Variants in UNC5C observed in about 807,000 individuals in gnomAD.
UNC5C encodes netrin receptor UNC5C.
UNC5C carries 47 observed loss-of-function variants against 99.8 expected under a neutral mutation model. That is an observed-to-expected ratio of 0.47 (90% CI 0.37 to 0.60). The LOEUF is 0.60. Among genes scored for constraint, UNC5C ranks in the 20% least tolerant of loss-of-function variants. The pLI is 0.00. For synonymous variants in UNC5C, 487 were observed against 452.2 expected (o/e 1.08, Z -0.98); for missense variants, 1,062 against 1,165.9 (o/e 0.91, Z 1.30).
chr4:95,498,666 G>T (rs768989322), intron 1 of UNC5C, among the ~76,000 whole-genome samples: 1 of 149,364 alleles, frequency 6.7e-6, no homozygotes, highest in Admixed American at 6.7e-5. Context: ...CTGTTTTATC[G>T]TTTTATTCCT....
chr4:95,369,307 T>C (rs1321581885), intron 1 of UNC5C, among the ~76,000 whole-genome samples: 1 of 151,958 alleles, frequency 6.6e-6, no homozygotes, highest in Non-Finnish European at 1.5e-5. Context: ...TGCCAGCCCT[T>C]TGGGAGGCTG....
At chr4:95,327,638 G>A (rs996035104) in intron 2 of UNC5C, among the ~76,000 whole-genome samples, 14 of 152,016 alleles carry the variant, frequency 9.2e-5, no homozygotes, top group African/African-American at 3.1e-4. Context: ...CAACCTCATT[G>A]TTTTAAAATG....
chr4:95,336,491 T>C (rs1579336182), intron 1 of UNC5C, among the ~76,000 whole-genome samples: 1 of 151,932 alleles, frequency 6.6e-6, no homozygotes, highest in East Asian at 1.9e-4. Flanking sequence ...GTATATTCAG[T>C]AGTAAATATA....
intron 1 of UNC5C, among the ~76,000 whole-genome samples, chr4:95,491,095 C>T (rs932422420): frequency 1.3e-5 from 2 of 151,372 alleles, no homozygotes; most frequent in African/African-American, 2.4e-5. Flanking sequence ...CACAAAATTG[C>T]CCCCTTCTAA....
chr4:95,424,874 AG>A (rs1363650227), intron 1 of UNC5C, among the ~76,000 whole-genome samples: 2 of 151,938 alleles, frequency 1.3e-5, no homozygotes, highest in Non-Finnish European at 2.9e-5. Flanking sequence ...TAGAAACAGG[AG>A]GTGCTCCTAA....
intron 10 of UNC5C, among the ~76,000 whole-genome samples, chr4:95,215,329 C>T (rs1207229795): frequency 6.6e-6 from 1 of 152,226 alleles, no homozygotes; most frequent in Non-Finnish European, 1.5e-5. Context: ...ATTTTAACAA[C>T]ATCTTTCATT....
chr4:95,532,716 G>T (rs1294202993), intron 1 of UNC5C, among the ~76,000 whole-genome samples: 2 of 152,112 alleles, frequency 1.3e-5, no homozygotes, highest in Non-Finnish European at 2.9e-5. Flanking sequence ...AGTGAGCAAG[G>T]TGGCTTGTGA....
At chr4:95,541,659 T>A (rs1219079740) in intron 1 of UNC5C, among the ~76,000 whole-genome samples, 2 of 151,994 alleles carry the variant, frequency 1.3e-5, no homozygotes, top group Non-Finnish European at 2.9e-5. Context: ...ATACTCTAAG[T>A]TTTTTTAATT....
intron 7 of UNC5C, 134 bp from the exon 8 acceptor site, chr4:95,220,310 A>G (rs1738425049): frequency 3.3e-6 from 3 of 918,032 alleles, no homozygotes; most frequent in African/African-American, 1.7e-5. Flanking sequence ...CAAAAGCTAT[A>G]TAAAATGGCT....
rs562458779 is a variant in UNC5C, at chr4:95,495,895, G to C, written c.124+52839C>G. On this transcript the variant is annotated intron_variant, in intron 1 of 15. Coordinates refer to ENST00000453304, the MANE Select transcript of UNC5C (RefSeq NM_003728.4). ...GTTCAAATGAGTAACAAAGTACCCA[G>C]ATTTTAAGCAATATTCAATTCATAT... is the stretch of plus-strand genomic sequence containing the variant. Among the ~76,000 whole-genome samples, 8 of 151,848 alleles carry C rather than the reference G, an allele frequency of 5.3e-5. No homozygotes were observed. In the East Asian group the frequency reaches 1.6e-3, roughly 29 times the overall value.
intron 1 of UNC5C, among the ~76,000 whole-genome samples, chr4:95,340,697 C>A (rs1027411742): frequency 1.3e-5 from 2 of 152,038 alleles, no homozygotes; most frequent in African/African-American, 2.4e-5. Context: ...CTTGCCAAAT[C>A]ATGCCCATAC....
intron 1 of UNC5C, among the ~76,000 whole-genome samples, chr4:95,344,371 A>T (rs1743691798): frequency 6.6e-6 from 1 of 152,138 alleles, no homozygotes; most frequent in East Asian, 1.9e-4. Context: ...CATAAAGGAG[A>T]AATAAAGACT....
chr4:95,439,284 G>A (rs546476978), intron 1 of UNC5C, among the ~76,000 whole-genome samples: 477 of 152,140 alleles, frequency 3.1e-3, no homozygotes, highest in African/African-American at 0.011. Context: ...CACGGCTGGC[G>A]TGGATGATGT....
At position 95,291,217 on chromosome 4, in the gene UNC5C, GA is replaced by G. The variant is rs567951484; in HGVS notation, c.490+10388del. On this transcript the variant is annotated intron_variant, in intron 3 of 15. Coordinates refer to ENST00000453304, the MANE Select transcript of UNC5C (RefSeq NM_003728.4). ...TATTCAAAATGCATCTTTAGTTTCA[GA>G]AAAAAAATGATTATATGTCATCACA... is the stretch of plus-strand genomic sequence containing the variant. 1.6e-4 allele frequency among the ~76,000 whole-genome samples: 24 copies of G among 151,734 alleles called. No individual in the cohort carries two copies. The South Asian group carries it at 4.2e-3, about 26-fold the overall frequency.
At chr4:95,240,639 C>CA (rs1213500480) in intron 7 of UNC5C, among the ~76,000 whole-genome samples, 1 of 152,070 alleles carries the variant, frequency 6.6e-6, no homozygotes, top group African/African-American at 2.4e-5. Flanking sequence ...AACACAAACA[C>CA]AAACAAACAA....
chr4:95,193,734 T>G (rs1308999461), intron 12 of UNC5C, among the ~76,000 whole-genome samples: 2 of 152,090 alleles, frequency 1.3e-5, no homozygotes, highest in Non-Finnish European at 2.9e-5. Flanking sequence ...CGGCCGCCCT[T>G]CTCTCCTGTT....
intron 1 of UNC5C, among the ~76,000 whole-genome samples, chr4:95,478,603 A>G (rs944497116): frequency 1.3e-5 from 2 of 151,958 alleles, no homozygotes; most frequent in African/African-American, 2.4e-5. Flanking sequence ...ATGTATCCCC[A>G]CAAGCAATTC....
chr4:95,308,751 C>CAAAAAA lies in UNC5C; in HGVS notation c.347-7008_347-7003dup, dbSNP rs59626139. Among the ~76,000 whole-genome samples the CAAAAAA allele has an allele frequency of 8.6e-3, 297 of 34,422 alleles. 3 individuals are homozygous for CAAAAAA. The highest frequency in any genetic ancestry group is 0.011 in the Non-Finnish European group (213 of 20,142). 22.6% of individuals were successfully genotyped at this position (34,422 alleles called of 152,430 possible). A position where few individuals can be genotyped will look rare whatever the true frequency, so the allele number is the denominator to read the frequency against. The stretch of plus-strand genomic sequence containing the variant: ...TGGCTGACAGAGTGAGACTCTGTCT[C>CAAAAAA]AAAAAAAAAAAAAAAAAAAAAAAAA... On this transcript the variant is annotated intron_variant, in intron 2 of 15. Transcript: ENST00000453304.
intron 3 of UNC5C, among the ~76,000 whole-genome samples, chr4:95,291,625 C>T (rs1452031175): frequency 5.3e-5 from 8 of 152,064 alleles, no homozygotes; most frequent in Admixed American, 5.2e-4. Flanking sequence ...GAACTTCTGA[C>T]CATCTACAAA....
Sources: gnomAD v4.1 joint callset for allele counts (sites outside exome capture counted in the v4.1 genomes callset) on GRCh38, gnomAD v4.1.1 for gene constraint, MANE v1.5 for transcripts, NCBI Gene and HGNC (gene_info 2026-07-23, HGNC 2026-07-21) for gene names.